Variants in STOX2 observed in about 807,000 individuals in gnomAD.
STOX2 encodes storkhead box 2.
Under a neutral mutation model 60.9 loss-of-function variants are expected in STOX2, and 28 were observed. The ratio of observed to expected loss-of-function variants is 0.46; its 90% confidence interval spans 0.34 to 0.63. The LOEUF (loss-of-function observed/expected upper bound fraction) is 0.63, where lower values mean the gene tolerates loss of function less well. Ranked by LOEUF, STOX2 falls within the 30% of genes least tolerant of loss-of-function variation. The pLI is 0.01. For synonymous variants in STOX2, 472 were observed against 463.9 expected, an observed-to-expected ratio of 1.02 and a Z score of -0.22; for missense variants, 1,024 against 1,187.7, an observed-to-expected ratio of 0.86 and a Z score of 2.03.
At chr4:183,864,385 T>C (rs766912528) in intron 1 of STOX2, among the ~76,000 whole-genome samples, 11 of 152,180 alleles carry the variant, frequency 7.2e-5, no homozygotes, top group Non-Finnish European at 1.6e-4. Flanking sequence ...AAGTGATGTA[T>C]AAATGGACTA....
Position 183,865,116 on chromosome 4 carries a change from T to G in STOX2, c.364+67061T>G, listed in dbSNP as rs1740534175. On this transcript the variant is annotated intron_variant, in intron 1 of 2. Transcript: ENST00000513034. The surrounding 1 kb of genome is among the most constrained non-coding windows in gnomAD (Gnocchi z 4.1). Reference sequence around the variant, plus strand: ...CCTGCCTTAGCCCGTATTATGAATATTTGCTGCCTATGGTTTATCACATAT... The same window carrying G: ...CCTGCCTTAGCCCGTATTATGAATAGTTGCTGCCTATGGTTTATCACATAT... Among the ~76,000 whole-genome samples the G allele has an allele frequency of 6.6e-6, 1 of 152,202 alleles. No homozygotes were observed. The highest frequency in any genetic ancestry group is 6.5e-5 in the Admixed American group (1 of 15,280).
intron 1 of STOX2, among the ~76,000 whole-genome samples, chr4:183,949,779 A>C (rs1743014419): frequency 6.6e-6 from 1 of 152,206 alleles, no homozygotes; most frequent in African/African-American, 2.4e-5. Flanking sequence ...TTATATTTTT[A>C]GATCATATTT....
intron 1 of STOX2, among the ~76,000 whole-genome samples, chr4:183,851,287 A>G (rs1410684620): frequency 2.4e-5 from 2 of 82,130 alleles, no homozygotes; most frequent in African/African-American, 8.8e-5. Flanking sequence ...GAGGGAAAGG[A>G]TGAGAGAAAG....
rs200605016 is a variant in STOX2 at position 183,856,976 on chromosome 4, A to G, written c.364+58921A>G. ...GGGAGGGAGATGAGTGGATAATTAGATTAAATTGTGTGGTAGAGGCTGGGA... is the reference window on the plus strand; with the variant it reads ...GGGAGGGAGATGAGTGGATAATTAGGTTAAATTGTGTGGTAGAGGCTGGGA... On this transcript the variant is annotated intron_variant, in intron 1 of 2. Transcript: ENST00000513034. The surrounding 1 kb of genome is among the most constrained non-coding windows in gnomAD (Gnocchi z 4.0). Among the ~76,000 whole-genome samples, 22 of 152,252 alleles carry G rather than the reference A, an allele frequency of 1.4e-4. No homozygotes were observed. In the East Asian group the frequency reaches 4.0e-3, roughly 28 times the overall value.
At chr4:184,016,826 G>A (rs567679241) in intron 3 of STOX2, among the ~76,000 whole-genome samples, 2 of 152,290 alleles carry the variant, frequency 1.3e-5, no homozygotes, top group South Asian at 2.1e-4. Context: ...GTGAAAAAAA[G>A]GAGAAGACAT....
intron 1 of STOX2, among the ~76,000 whole-genome samples, chr4:183,820,267 G>A (rs1259533108): frequency 6.6e-6 from 1 of 152,164 alleles, no homozygotes; most frequent in Non-Finnish European, 1.5e-5. Context: ...CTGTGTTCAT[G>A]AGGCTCATAA....
At chr4:183,875,525 G>A (rs1305576660) in intron 1 of STOX2, among the ~76,000 whole-genome samples, 1 of 152,222 alleles carries the variant, frequency 6.6e-6, no homozygotes, top group Non-Finnish European at 1.5e-5. Context: ...CCCTCTCACT[G>A]TGTGGGAGCC....
chr4:183,891,335 ATGGAATATATATAT>A (rs1741205157), intron 1 of STOX2, among the ~76,000 whole-genome samples: 1 of 122,772 alleles, frequency 8.1e-6, no homozygotes, highest in Non-Finnish European at 1.7e-5. Flanking sequence ...TATATCTATG[ATGGAATATATATAT>A]GATGGAATTT....
chr4:183,843,343 G>A (rs1739913721), intron 1 of STOX2, among the ~76,000 whole-genome samples: 1 of 152,100 alleles, frequency 6.6e-6, no homozygotes, highest in African/African-American at 2.4e-5. Context: ...AACTCAGTGT[G>A]AAAAACACCA....
At chr4:183,966,866 G>C (rs905650491) in intron 1 of STOX2, among the ~76,000 whole-genome samples, 1 of 152,100 alleles carries the variant, frequency 6.6e-6, no homozygotes, top group Non-Finnish European at 1.5e-5. Flanking sequence ...CAATGTCTTA[G>C]CTATTATATA....
At chr4:183,872,970 G>A (rs1560856560) in intron 1 of STOX2, among the ~76,000 whole-genome samples, 2 of 152,134 alleles carry the variant, frequency 1.3e-5, no homozygotes, top group African/African-American at 4.8e-5. Flanking sequence ...AGAAAGTCAC[G>A]TTCTGAAACT....
chr4:183,843,253 T>C (rs1308566145), intron 1 of STOX2, among the ~76,000 whole-genome samples: 1 of 152,074 alleles, frequency 6.6e-6, no homozygotes, highest in Non-Finnish European at 1.5e-5. Context: ...TGACTCTTTT[T>C]GGGAGGAGGG....
At chr4:183,999,238 T>C (rs887203505) in intron 1 of STOX2, among the ~76,000 whole-genome samples, 7 of 152,090 alleles carry the variant, frequency 4.6e-5, no homozygotes, top group African/African-American at 1.7e-4. Flanking sequence ...GAGTTACCAA[T>C]ACGAACTGAG....
chr4:183,971,621 G>A (rs1057239476), intron 1 of STOX2, among the ~76,000 whole-genome samples: 1 of 152,226 alleles, frequency 6.6e-6, no homozygotes, highest in African/African-American at 2.4e-5. Flanking sequence ...TTATCACAGA[G>A]GTGGGAAAAG....
chr4:183,983,179 C>G (rs557287418), intron 1 of STOX2, among the ~76,000 whole-genome samples: 2 of 152,338 alleles, frequency 1.3e-5, no homozygotes, highest in South Asian at 4.1e-4. Context: ...TCTCCCCACC[C>G]CTTTACTCGC....
chr4:184,003,949 T>A (rs531098511), intron 2 of STOX2, among the ~76,000 whole-genome samples: 237 of 28,986 alleles, frequency 8.2e-3, no homozygotes, highest in Non-Finnish European at 0.013. Context: ...CTTCCTTTGA[T>A]TTTTTTTTTT....
intron 1 of STOX2, among the ~76,000 whole-genome samples, chr4:183,798,405 G>C (rs1579277940): frequency 6.6e-6 from 1 of 151,454 alleles, no homozygotes; most frequent in Non-Finnish European, 1.5e-5. Context: ...TCCCCCTCCC[G>C]GCACTGCTCC....
chr4:184,004,477 G>A (rs1356410177), intron 2 of STOX2, among the ~76,000 whole-genome samples: 2 of 152,138 alleles, frequency 1.3e-5, no homozygotes, highest in Admixed American at 1.3e-4. Context: ...GCGGGCGCCT[G>A]TAGTCCCAGC....
rs545994783 is a variant in STOX2, at chr4:183,814,358, G to A, written c.364+16303G>A. Among the ~76,000 whole-genome samples, 10 of 152,312 alleles carry A rather than the reference G, an allele frequency of 6.6e-5. No homozygotes were observed. In the East Asian group the frequency reaches 1.3e-3, roughly 21 times the overall value. ...ATGGGAAAGAATAACAATAATTACT[G>A]TATATTGAGTAATTATTATGTTTTA... is the stretch of plus-strand genomic sequence containing the variant. On this transcript the variant is annotated intron_variant, in intron 1 of 2. Transcript: ENST00000513034.
Sources: allele counts gnomAD v4.1 joint callset (sites outside exome capture counted in the v4.1 genomes callset), GRCh38; gene constraint gnomAD v4.1.1; non-coding constraint Gnocchi (gnomAD v3.1); transcripts MANE v1.5; gene names NCBI Gene and HGNC (gene_info 2026-07-23, HGNC 2026-07-21).